Variants in CDH26 observed in about 807,000 individuals in gnomAD.
The protein encoded by CDH26 is cadherin-like protein 26.
A neutral mutation model predicts 90.3 loss-of-function variants in CDH26; 83 were observed. That is an observed-to-expected ratio of 0.92 (90% CI 0.77 to 1.10). CDH26 has a LOEUF of 1.10. Ranked by LOEUF, CDH26 falls within the 50% of genes least tolerant of loss-of-function variation. The probability of loss-of-function intolerance (pLI) is 0.00; values close to 1 mark genes in which losing one functional copy is unlikely to be tolerated. For missense variants in CDH26, 1,013 were observed against 1,037.6 expected (o/e 0.98, Z 0.33); for synonymous variants, 397 against 396.3 (o/e 1.00, Z -0.02).
In CDH26 at chr20:60,005,929, C is replaced by T. The variant is rs140494671; in HGVS notation, c.2221-784C>T. On this transcript the variant is annotated intron_variant, in intron 16 of 17. Transcript: ENST00000348616. ...CTCTTTGGGCTCCAGCCACAGAACA[C>T]GCCAAGTTCCCTCCCTGCTTAGGGC... 5.3e-4 allele frequency among the ~76,000 whole-genome samples: 81 copies of T among 152,334 alleles called. No homozygotes were observed. In the East Asian group the frequency reaches 0.013, roughly 25 times the overall value.
chr20:59,969,592 G>C (rs1170465224), intron 2 of CDH26, among the ~76,000 whole-genome samples: 1 of 152,126 alleles, frequency 6.6e-6, no homozygotes, highest in Non-Finnish European at 1.5e-5. Context: ...ACAAATATCT[G>C]AGCCCAAGAT....
At chr20:59,974,585 T>G (rs905026418) in intron 4 of CDH26, among the ~76,000 whole-genome samples, 2 of 152,124 alleles carry the variant, frequency 1.3e-5, no homozygotes, top group African/African-American at 4.8e-5. Context: ...GCATCCCCAT[T>G]AATTCTGTTA....
intron 1 of CDH26, among the ~76,000 whole-genome samples, chr20:59,966,610 G>A (rs2061152467): frequency 6.6e-6 from 1 of 152,302 alleles, no homozygotes; most frequent in African/African-American, 2.4e-5. Context: ...TTGTGCTGAG[G>A]CATCAGCAAT....
chr20:59,967,909 CTTTCCTTTCCT>C (rs2061186225), intron 1 of CDH26, among the ~76,000 whole-genome samples: 1 of 99,190 alleles, frequency 1.0e-5, no homozygotes, highest in African/African-American at 4.8e-5. Context: ...TCCTTCCTTC[CTTTCCTTTCCT>C]TTCCTTTCCT....
At chr20:59,960,344 C>T (rs578216242) in intron 1 of CDH26, among the ~76,000 whole-genome samples, 1 of 151,988 alleles carries the variant, frequency 6.6e-6, no homozygotes, top group African/African-American at 2.4e-5. Context: ...GCGTAAAAGC[C>T]CTTGGTACTG....
Position 59,995,686 on chromosome 20 carries a change from G to A in CDH26, c.1667-147G>A, listed in dbSNP as rs556774349. 2.4e-5 allele frequency: 16 copies of A among 658,026 alleles called. No individual in the cohort carries two copies. In the East Asian group the frequency reaches 3.5e-4, roughly 15 times the overall value. The allele number at this position is 658,026 out of a possible 1,614,324, so 40.8% of individuals were successfully genotyped here. A position where few individuals can be genotyped will look rare whatever the true frequency, so the allele number is the denominator to read the frequency against. ...ACTTGCAGTTGATGTCAGAAGTGAG[G>A]GTACCCTTGAGGACCCCTCCCTCTA... On this transcript the variant is annotated intron_variant, in intron 11 of 17. Transcript: ENST00000348616.
intron 7 of CDH26, among the ~76,000 whole-genome samples, chr20:60,023,038 GGAAGTGTCCTT>G (rs2061970009): frequency 6.6e-6 from 1 of 152,222 alleles, no homozygotes; most frequent in Non-Finnish European, 1.5e-5. Context: ...GCAACTTCCA[GGAAGTGTCCTT>G]GAAGAGGGTG....
rs780399754 is a variant in CDH26, at chr20:59,988,922, C to T, written c.1042C>T (p.Arg348Cys). The T allele has an allele frequency of 1.6e-5, 26 of 1,613,966 alleles. No individual in the cohort carries two copies. The highest frequency in any genetic ancestry group is 1.7e-5 in the Admixed American group (1 of 60,008). ...NVIKPLDYET[R>C]PAQSLIIVVE... ...GTTCCAGCCTTTGGATTATGAGACT[C>T]GCCCAGCGCAAAGCCTCATCATTGT... Residue 348 changes from arginine to cysteine, a missense_variant, in exon 9 of 18, where the codon CGC (arginine) becomes TGC (cysteine). Physicochemically the swap from Arg to Cys is radical, Grantham distance 180 (BLOSUM62 -3). Transcript: ENST00000348616.
chr20:60,023,401 G>A (rs1478447205), intron 7 of CDH26, among the ~76,000 whole-genome samples: 1 of 152,224 alleles, frequency 6.6e-6, no homozygotes, highest in Non-Finnish European at 1.5e-5. Flanking sequence ...CTTAATGGAT[G>A]TGTTCAGGCG....
chr20:59,966,880 T>C (rs2061155875), intron 1 of CDH26, among the ~76,000 whole-genome samples: 1 of 152,146 alleles, frequency 6.6e-6, no homozygotes, highest in Admixed American at 6.5e-5. Context: ...AAATAGATTA[T>C]TACCTATTCA....
chr20:59,997,917 C>T (rs111728587), intron 13 of CDH26, among the ~76,000 whole-genome samples: 23 of 152,284 alleles, frequency 1.5e-4, no homozygotes, highest in East Asian at 1.9e-4. Context: ...GTCTTCCCTG[C>T]GGCATGAAGG....
intron 1 of CDH26, among the ~76,000 whole-genome samples, chr20:59,960,735 G>A (rs940658239): frequency 3.9e-5 from 6 of 152,054 alleles, no homozygotes; most frequent in South Asian, 2.1e-4. Context: ...TCTGCACATC[G>A]TTTACCATGG....
intron 10 of CDH26, among the ~76,000 whole-genome samples, chr20:59,993,513 A>G (rs2061552994): frequency 6.6e-6 from 1 of 152,152 alleles, no homozygotes; most frequent in Non-Finnish European, 1.5e-5. Context: ...AACATACAGT[A>G]TTTGATTTTC....
intron 4 of CDH26, among the ~76,000 whole-genome samples, chr20:59,975,896 A>T (rs1264279311): frequency 6.6e-6 from 1 of 152,140 alleles, no homozygotes; most frequent in Non-Finnish European, 1.5e-5. Context: ...TATTAACTCC[A>T]TGCATGTACA....
chr20:59,980,002 A>G (rs194987), intron 4 of CDH26, among the ~76,000 whole-genome samples: 49,166 of 152,032 alleles, frequency 0.32, 10,803 homozygotes, highest in African/African-American at 0.61. Flanking sequence ...GTTGGATCAC[A>G]TAAGTGTATG....
chr20:60,017,886 A>G (rs112670059), downstream of CDH26, among the ~76,000 whole-genome samples: 2,849 of 152,092 alleles, frequency 0.019, 41 homozygotes, highest in South Asian at 0.071. Flanking sequence ...AGGAGCATGT[A>G]GCTTAATTTC....
chr20:60,015,229 G>A (rs1046974545), downstream of CDH26, among the ~76,000 whole-genome samples: 18 of 152,030 alleles, frequency 1.2e-4, no homozygotes, highest in African/African-American at 4.1e-4. Flanking sequence ...CAGGTGATCC[G>A]CCCACCTCAG....
chr20:59,972,221 C>T, intron 4 of CDH26, 98 bp downstream of exon 4: 1 of 1,137,814 alleles, frequency 8.8e-7, no homozygotes, highest in South Asian at 1.6e-5. Context: ...GTGCCAGGTT[C>T]CGGGAGATTG....
At chr20:60,009,281 A>G (rs2061796872) in intron 17 of CDH26, among the ~76,000 whole-genome samples, 1 of 152,146 alleles carries the variant, frequency 6.6e-6, no homozygotes, top group Non-Finnish European at 1.5e-5. Flanking sequence ...CTCCTCTCTG[A>G]GCCTTAATTT....
Sources: allele counts gnomAD v4.1 joint callset (sites outside exome capture counted in the v4.1 genomes callset), GRCh38; gene constraint gnomAD v4.1.1; transcripts MANE v1.5; gene names NCBI Gene and HGNC (gene_info 2026-07-23, HGNC 2026-07-21).